The following USP9X variants were observed in gnomAD, a reference collection of about 807,000 sequenced individuals.
USP9X encodes ubiquitin specific peptidase 9 X-linked, also known as ubiquitin carboxyl-terminal hydrolase 9X.
A neutral mutation model predicts 190.3 loss-of-function variants in USP9X; 7 were observed. That is an observed-to-expected ratio of 0.04 (90% CI 0.02 to 0.07). The LOEUF is 0.07. Ranked by LOEUF, USP9X falls within the 10% of genes least tolerant of loss-of-function variation. USP9X has a pLI of 1.00. For synonymous variants in USP9X, 645 were observed against 659.5 expected, an observed-to-expected ratio of 0.98 and a Z score of 0.34; for missense variants, 1,010 against 1,916.9, an observed-to-expected ratio of 0.53 and a Z score of 8.83.
At chrX:41,137,734 T>C (rs1479226435) in intron 6 of USP9X, among the ~76,000 whole-genome samples, 2 of 111,446 alleles carry the variant, frequency 1.8e-5, no homozygotes, top group African/African-American at 6.5e-5. Flanking sequence ...AGGTCAAACT[T>C]AAGTTGAGAT....
Position 41,143,291 on chromosome X carries a change from G to T in USP9X, c.1162G>T (p.Glu388Ter). The T allele has an allele frequency of 8.8e-7, 1 of 1,140,581 alleles. No individual in the cohort carries two copies. Among genetic ancestry groups the T allele is most frequent in the East Asian group, 3.1e-5 (1 of 32,464 alleles). The allele number at this position is 1,140,581 out of a possible 1,213,427, so 94.0% of individuals were successfully genotyped here. Residue 388 changes from glutamate (E) to a stop codon, truncating the protein, a stop_gained and splice_region_variant, in exon 10 of 45, where the codon GAA becomes TAA. Coordinates refer to ENST00000378308, the MANE Select transcript of USP9X (RefSeq NM_001039591.3). LOFTEE classifies it high-confidence loss of function. Reference protein sequence around the residue: ...EEWLTAERMAEWIQQNNILSI... With the variant: ...EEWLTAERMA ...AACACGTTTTTGAATTAACATTTAG[G>T]AATGGATACAGCAGAACAATATCTT...
In USP9X at chrX:41,233,824, T is replaced by G. The variant is rs1205061388; in HGVS notation, c.*1300T>G. 8.9e-6 allele frequency: 1 copy of G among 112,336 alleles called. No individual in the cohort carries two copies. The highest frequency in any genetic ancestry group is 1.9e-5 in the Non-Finnish European group (1 of 53,238). The allele number at this position is 112,336 out of a possible 1,213,427, so 9.3% of individuals were successfully genotyped here. The stretch of plus-strand genomic sequence containing the variant: ...AGGAAATCCTCAGTTCATACTGTAT[T>G]TAAAAGAGAATTGGTAACTTGAATG... On this transcript the variant is annotated 3_prime_UTR_variant, in exon 45 of 45. Coordinates refer to ENST00000378308, the MANE Select transcript of USP9X (RefSeq NM_001039591.3).
chrX:41,118,265 G>C (rs528472111), intron 1 of USP9X, among the ~76,000 whole-genome samples: 1 of 111,122 alleles, frequency 9.0e-6, no homozygotes, highest in Admixed American at 9.6e-5. Flanking sequence ...AAACTGAAGC[G>C]CTGTACCCCT....
intron 1 of USP9X, among the ~76,000 whole-genome samples, chrX:41,104,435 A>G (rs1051770167): frequency 8.0e-5 from 9 of 112,314 alleles, no homozygotes; most frequent in Middle Eastern, 4.6e-3. Flanking sequence ...ATGTGGTAGG[A>G]TTCTGTTGTA....
At chrX:41,098,506 T>C (rs1466646365) in intron 1 of USP9X, among the ~76,000 whole-genome samples, 1 of 110,302 alleles carries the variant, frequency 9.1e-6, no homozygotes, top group Non-Finnish European at 1.9e-5. Flanking sequence ...TAATACACTA[T>C]ATACTCCTGT....
chrX:41,160,069 T>G (rs762533188), intron 14 of USP9X, among the ~76,000 whole-genome samples: 5 of 109,880 alleles, frequency 4.6e-5, no homozygotes, highest in Non-Finnish European at 9.5e-5. Flanking sequence ...CTAGAAAACT[T>G]GCTGTTTATG....
rs202020708 is a variant in USP9X at position 41,169,977 on chromosome X, C to T, written c.2637-18C>T. On this transcript the variant is annotated intron_variant, in intron 18 of 44. Transcript: ENST00000378308. ...GTCTGCTGAATATGATGATGTCTGT[C>T]TTTCTTTTTCCCCCCAGAGCATTCC... 18 of 1,207,221 alleles carry T rather than the reference C, an allele frequency of 1.5e-5. No individual in the cohort carries two copies. Among genetic ancestry groups the T allele is most frequent in the Non-Finnish European group, 1.8e-5 (16 of 893,825 alleles).
At chrX:41,103,036 C>T (rs1025449807) in intron 1 of USP9X, among the ~76,000 whole-genome samples, 2 of 111,394 alleles carry the variant, frequency 1.8e-5, no homozygotes, top group African/African-American at 6.5e-5. Flanking sequence ...TCAGGTGATC[C>T]GCCTGCCTTG....
intron 33 of USP9X, among the ~76,000 whole-genome samples, chrX:41,211,587 G>T (rs1192790697): frequency 8.8e-6 from 1 of 113,350 alleles, no homozygotes; most frequent in Admixed American, 9.2e-5. Context: ...GGTGAGGGGT[G>T]CCTCTGCCCG....
intron 1 of USP9X, among the ~76,000 whole-genome samples, chrX:41,108,101 A>C (rs192472932): frequency 4.5e-5 from 5 of 111,894 alleles, no homozygotes; most frequent in African/African-American, 9.7e-5. Flanking sequence ...TGGATACCCT[A>C]CACCTCTAGC....
At chrX:41,110,738 G>A (rs919435868) in intron 1 of USP9X, among the ~76,000 whole-genome samples, 2 of 112,354 alleles carry the variant, frequency 1.8e-5, no homozygotes, top group African/African-American at 6.5e-5. Context: ...TAGTATTGAA[G>A]TTGGGAAATG....
chrX:41,109,315 A>G (rs1242272611), intron 1 of USP9X, among the ~76,000 whole-genome samples: 1 of 111,895 alleles, frequency 8.9e-6, no homozygotes, highest in Non-Finnish European at 1.9e-5. Context: ...AATTACTCAA[A>G]TTGCCTACAG....
Position 41,224,730 on chromosome X carries a change from T to C in USP9X, c.6752-12T>C, listed in dbSNP as rs760156693. Reference sequence around the variant, plus strand: ...TTATTAGTTTTTTATTGGTGACAAATCTGTATTCTAGGTAATCCTCCTCTT... The same window carrying C: ...TTATTAGTTTTTTATTGGTGACAAACCTGTATTCTAGGTAATCCTCCTCTT... On this transcript the variant is annotated splice_polypyrimidine_tract_variant and intron_variant, in intron 39 of 44. Transcript: ENST00000378308. The C allele has an allele frequency of 4.2e-6, 5 of 1,181,005 alleles. No homozygotes were observed. The African/African-American group carries it at 8.8e-5, about 21-fold the overall frequency.
At chrX:41,119,455 A>G (rs1167112942) in intron 1 of USP9X, among the ~76,000 whole-genome samples, 1 of 111,615 alleles carries the variant, frequency 9.0e-6, no homozygotes, top group Admixed American at 9.5e-5. Context: ...GGAAGGGCAG[A>G]CACTGGTGAT....
In USP9X at chrX:41,224,644, T is replaced by TAA. The variant is rs11380110; in HGVS notation, c.6752-90_6752-89dup. 143 of 799,784 alleles carry TAA rather than the reference T, an allele frequency of 1.8e-4. No individual in the cohort carries two copies. In the African/African-American group the frequency reaches 2.8e-3, roughly 16 times the overall value. The allele number at this position is 799,784 out of a possible 1,213,427, so 65.9% of individuals were successfully genotyped here. ...GAGCGAGACTCCATCTTAAAAAAAA[T>TAA]AAAAAAAAATTATAGGCTATTTTCT... On this transcript the variant is annotated intron_variant, in intron 39 of 44. Transcript: ENST00000378308.
intron 1 of USP9X, among the ~76,000 whole-genome samples, chrX:41,102,649 C>T (rs769299033): frequency 9.0e-6 from 1 of 111,298 alleles, no homozygotes; most frequent in Admixed American, 9.6e-5. Flanking sequence ...ATTATTAATA[C>T]TGCCTTGTCT....
At position 41,230,160 on chromosome X, in the gene USP9X, C is replaced by T. The variant is rs142247875; in HGVS notation, c.7432-341C>T. Among the ~76,000 whole-genome samples the T allele has an allele frequency of 1.5e-4, 17 of 111,381 alleles. No individual in the cohort carries two copies. The East Asian group carries it at 4.5e-3, about 30-fold the overall frequency. ...AGATTGCAGTGAGCGGAGATCGTGC[C>T]AGTGGGCTCCAGCTTGGGTGACAAG... On this transcript the variant is annotated intron_variant, in intron 43 of 44. Coordinates refer to ENST00000378308, the MANE Select transcript of USP9X (RefSeq NM_001039591.3).
At chrX:41,151,186 T>A in intron 13 of USP9X, 129 bp downstream of exon 13, 1 of 657,256 alleles carries the variant, frequency 1.5e-6, no homozygotes, top group Non-Finnish European at 2.2e-6. Flanking sequence ...ATAAGAAGTG[T>A]TTGGAACAAA....
chrX:41,152,766 TA>T (rs918334663), intron 13 of USP9X, among the ~76,000 whole-genome samples, 181 bp from the exon 14 acceptor site: 9 of 103,127 alleles, frequency 8.7e-5, no homozygotes, highest in African/African-American at 3.2e-4. Flanking sequence ...AATAATGTAA[TA>T]AATGTCTTAT....
Sources: allele counts gnomAD v4.1 joint callset (sites outside exome capture counted in the v4.1 genomes callset), GRCh38; gene constraint gnomAD v4.1.1; transcripts MANE v1.5; gene names NCBI Gene and HGNC (gene_info 2026-07-23, HGNC 2026-07-21).